The following DCAF8L2 variants were observed in gnomAD, a reference collection of about 807,000 sequenced individuals.
DCAF8L2 encodes the protein DDB1- and CUL4-associated factor 8-like protein 2.
For synonymous variants in DCAF8L2, 200 were observed against 190.9 expected (o/e 1.05, Z -0.39); for missense variants, 430 against 490.7 (o/e 0.88, Z 1.17).
chrX:27,571,916 G>A, the DCAF8L2 span, among the ~76,000 whole-genome samples: 4 of 111,421 alleles, frequency 3.6e-5, no homozygotes, highest in African/African-American at 1.3e-4. Context: ...CGCTAAATAA[G>A]ATGGATTGGT....
the DCAF8L2 span, among the ~76,000 whole-genome samples, chrX:27,579,262 A>G: frequency 1.8e-5 from 2 of 111,639 alleles, no homozygotes; most frequent in Non-Finnish European, 3.8e-5. Context: ...TTGTAGAGAC[A>G]TGGATGGAGC....
At chrX:27,726,062 T>C (rs1454432740) in intron 4 of DCAF8L2, among the ~76,000 whole-genome samples, 1 of 111,693 alleles carries the variant, frequency 9.0e-6, no homozygotes, top group African/African-American at 3.2e-5. Flanking sequence ...CTACTTGGTC[T>C]AACACAAGCT....
intron 2 of DCAF8L2, among the ~76,000 whole-genome samples, chrX:27,673,770 G>T (rs905156406): frequency 9.2e-5 from 10 of 108,588 alleles, no homozygotes; most frequent in African/African-American, 3.4e-4. Flanking sequence ...TACTTCACAT[G>T]TATTAATTCA....
At chrX:27,631,700 G>A (rs1928297325) in intron 1 of DCAF8L2, among the ~76,000 whole-genome samples, 179 bp from the exon 2 acceptor site, 1 of 112,035 alleles carries the variant, frequency 8.9e-6, no homozygotes, top group South Asian at 3.7e-4. Flanking sequence ...TTGTAGCACT[G>A]AGAATGTGAC....
At chrX:27,583,742 C>T in the DCAF8L2 span, among the ~76,000 whole-genome samples, 1 of 111,240 alleles carries the variant, frequency 9.0e-6, no homozygotes, top group Non-Finnish European at 1.9e-5. Context: ...CTGGGTTGCA[C>T]GCTCCTTACG....
chrX:27,629,491 C>CTT (rs1366894289), intron 1 of DCAF8L2, among the ~76,000 whole-genome samples: 1 of 102,164 alleles, frequency 9.8e-6, no homozygotes, highest in African/African-American at 3.6e-5. Flanking sequence ...CCCTTCCTTC[C>CTT]TTTTCTCTCT....
At chrX:27,610,536 T>C (rs1039703864) in intron 1 of DCAF8L2, among the ~76,000 whole-genome samples, 1 of 111,965 alleles carries the variant, frequency 8.9e-6, no homozygotes, top group African/African-American at 3.2e-5. Context: ...TTGGCAATGA[T>C]ATTTTTTATT....
the DCAF8L2 span, among the ~76,000 whole-genome samples, chrX:27,490,651 G>C: frequency 0.19 from 20,309 of 109,218 alleles, 1,641 homozygotes; most frequent in East Asian, 0.37. Context: ...TAGTTGAGAT[G>C]GGGTTTCACC....
At position 27,746,923 on chromosome X, in the gene DCAF8L2, G is replaced by A. The variant is rs756619299; in HGVS notation, c.28G>A (p.Gly10Ser). 1.5e-5 allele frequency: 18 copies of A among 1,201,752 alleles called. No homozygotes were observed. In the African/African-American group the frequency reaches 2.9e-4, roughly 19 times the overall value. ...GTCCCACCAAGAAGGCAGCACAGAC[G>A]GCTTACCAGACTTAGGGACTGAAAG... MSHQEGSTD[G>S]LPDLGTESLF... The change falls in exon 5 of 5, where the codon GGC (glycine) becomes AGC (serine). Residue 10 changes from glycine (G) to serine (S), a missense_variant. Physicochemically the swap from Gly to Ser is moderately conservative, Grantham distance 56 (BLOSUM62 0). Transcript: ENST00000451261.
upstream of DCAF8L2, among the ~76,000 whole-genome samples, chrX:27,588,414 C>T (rs192106755): frequency 2.6e-4 from 29 of 111,110 alleles, no homozygotes; most frequent in African/African-American, 7.5e-4. Context: ...TCTAGGTTCC[C>T]TCCATGTCTT....
intron 3 of DCAF8L2, among the ~76,000 whole-genome samples, chrX:27,713,766 T>C (rs1244984833): frequency 9.0e-6 from 1 of 111,416 alleles, no homozygotes; most frequent in African/African-American, 3.3e-5. Context: ...AACATGTAAA[T>C]TAATGGGCAT....
intron 3 of DCAF8L2, among the ~76,000 whole-genome samples, chrX:27,703,192 G>T (rs1931196368): frequency 9.0e-6 from 1 of 111,414 alleles, no homozygotes; most frequent in South Asian, 3.7e-4. Flanking sequence ...AGAAATGAAA[G>T]ATTTAAATAA....
At chrX:27,736,055 G>A (rs746459645) in intron 4 of DCAF8L2, among the ~76,000 whole-genome samples, 24 of 111,008 alleles carry the variant, frequency 2.2e-4, no homozygotes, top group Admixed American at 2.0e-3. Context: ...CAGGTGATAC[G>A]GGTGGCTCAA....
chrX:27,744,799 C>T (rs894324695), intron 4 of DCAF8L2, among the ~76,000 whole-genome samples: 13 of 111,327 alleles, frequency 1.2e-4, no homozygotes, highest in Admixed American at 1.9e-4. Context: ...CTCCTCTTTT[C>T]CTGCTCCCTC....
chrX:27,486,207 T>A, the DCAF8L2 span, among the ~76,000 whole-genome samples: 6 of 109,291 alleles, frequency 5.5e-5, no homozygotes, highest in Admixed American at 5.9e-4. Flanking sequence ...GGTTTCACCA[T>A]GTTGGCCAGG....
the DCAF8L2 span, among the ~76,000 whole-genome samples, chrX:27,570,525 C>T: frequency 9.0e-6 from 1 of 111,713 alleles, no homozygotes; most frequent in Non-Finnish European, 1.9e-5. Flanking sequence ...CATGCAGTTT[C>T]TGTCTGGCAT....
upstream of DCAF8L2, among the ~76,000 whole-genome samples, chrX:27,589,904 C>A (rs1382709013): frequency 9.0e-6 from 1 of 111,713 alleles, no homozygotes; most frequent in Non-Finnish European, 1.9e-5. Flanking sequence ...ACCATATCTA[C>A]CATTAGTAAT....
chrX:27,473,255 A>T, the DCAF8L2 span, among the ~76,000 whole-genome samples: 1 of 112,304 alleles, frequency 8.9e-6, no homozygotes, highest in Non-Finnish European at 1.9e-5. Context: ...TTGCTTTCAC[A>T]CATATAAGCA....
the DCAF8L2 span, among the ~76,000 whole-genome samples, chrX:27,575,707 T>C: frequency 2.7e-5 from 3 of 112,300 alleles, no homozygotes; most frequent in Non-Finnish European, 5.6e-5. Context: ...TTGGTTTCCA[T>C]TGAAGCTTGT....
Sources: gnomAD v4.1 joint callset for allele counts (sites outside exome capture counted in the v4.1 genomes callset) on GRCh38, gnomAD v4.1.1 for gene constraint, MANE v1.5 for transcripts, NCBI Gene and HGNC (gene_info 2026-07-23, HGNC 2026-07-21) for gene names.